The following MGAT5 variants were observed in gnomAD, a reference collection of about 807,000 sequenced individuals.
MGAT5 encodes alpha-1,6-mannosylglycoprotein 6-beta-N-acetylglucosaminyltransferase A.
In MGAT5, 30 loss-of-function variants were observed where a neutral mutation model predicts 94.3. The observed-to-expected ratio is 0.32, with a 90% CI of 0.24 to 0.43. The LOEUF (loss-of-function observed/expected upper bound fraction) is 0.43, where lower values mean the gene tolerates loss of function less well. Among genes scored for constraint, MGAT5 ranks in the 20% least tolerant of loss-of-function variants. MGAT5 has a pLI of 1.00. For missense variants in MGAT5, 691 were observed against 905.5 expected (o/e 0.76, Z 3.04); for synonymous variants, 310 against 322.9 (o/e 0.96, Z 0.43).
intron 1 of MGAT5, among the ~76,000 whole-genome samples, chr2:134,182,676 A>G (rs1438591495): frequency 6.6e-6 from 1 of 151,880 alleles, no homozygotes; most frequent in African/African-American, 2.4e-5. Context: ...CCACCCCATC[A>G]CAAGCGTACT....
At chr2:134,189,198 C>T (rs973082928) in intron 1 of MGAT5, among the ~76,000 whole-genome samples, 14 of 152,172 alleles carry the variant, frequency 9.2e-5, no homozygotes, top group African/African-American at 3.4e-4. Flanking sequence ...CCCCTCCTTT[C>T]CCCTCTCTGG....
chr2:134,164,085 C>A (rs1248145813), intron 1 of MGAT5, among the ~76,000 whole-genome samples: 1 of 152,172 alleles, frequency 6.6e-6, no homozygotes, highest in Non-Finnish European at 1.5e-5. Context: ...ACTCCATGTG[C>A]CTCACTCTGG....
chr2:134,247,966 G>GTCTTAGACA (rs1194906046), intron 1 of MGAT5, among the ~76,000 whole-genome samples: 8 of 152,242 alleles, frequency 5.3e-5, no homozygotes, highest in African/African-American at 1.9e-4. Flanking sequence ...TCCATCCCTT[G>GTCTTAGACA]TCTTAGACAT....
intron 1 of MGAT5, among the ~76,000 whole-genome samples, chr2:134,228,851 G>A (rs1162593788): frequency 2.2e-4 from 34 of 152,156 alleles, no homozygotes; most frequent in Admixed American, 2.2e-3. Context: ...GCCATCTAGT[G>A]AGTTGTAGTT....
At chr2:134,139,138 T>C (rs1411966232) in intron 1 of MGAT5, among the ~76,000 whole-genome samples, 1 of 152,242 alleles carries the variant, frequency 6.6e-6, no homozygotes, top group Admixed American at 6.5e-5. Context: ...TCTTCTTTCA[T>C]GTAAAAACAT....
intron 8 of MGAT5, among the ~76,000 whole-genome samples, chr2:134,348,123 T>A (rs960907728): frequency 6.6e-6 from 1 of 152,154 alleles, no homozygotes; most frequent in East Asian, 1.9e-4. Flanking sequence ...CGGAAAAATA[T>A]AAGTTAAGAA....
At chr2:134,416,501 C>T (rs1191942533) in intron 12 of MGAT5, among the ~76,000 whole-genome samples, 3 of 124,884 alleles carry the variant, frequency 2.4e-5, no homozygotes, top group South Asian at 2.9e-4. Flanking sequence ...CCGGGTCTTG[C>T]TCTGCCACCC....
intron 4 of MGAT5, among the ~76,000 whole-genome samples, chr2:134,330,191 T>C (rs1687878106): frequency 1.3e-5 from 2 of 152,180 alleles, no homozygotes; most frequent in African/African-American, 2.4e-5. Context: ...TCAGATCTTA[T>C]AGGATAATAA....
intron 14 of MGAT5, among the ~76,000 whole-genome samples, chr2:134,433,969 G>T (rs1685027964): frequency 6.6e-6 from 1 of 152,140 alleles, no homozygotes; most frequent in Non-Finnish European, 1.5e-5. Context: ...AACTCTCATG[G>T]GCTTATTAGT....
intron 14 of MGAT5, among the ~76,000 whole-genome samples, chr2:134,429,725 A>G (rs1439720378): frequency 6.6e-6 from 1 of 152,196 alleles, no homozygotes; most frequent in Non-Finnish European, 1.5e-5. Context: ...GTTTCACGAG[A>G]AACCATTTGA....
At chr2:134,369,156 A>G (rs1329862454) in intron 10 of MGAT5, among the ~76,000 whole-genome samples, 1 of 152,146 alleles carries the variant, frequency 6.6e-6, no homozygotes, top group Non-Finnish European at 1.5e-5. Flanking sequence ...GACTGAATGA[A>G]TCTCCCCTAA....
At chr2:134,364,648 A>T (rs1293584384) in intron 10 of MGAT5, among the ~76,000 whole-genome samples, 1 of 152,198 alleles carries the variant, frequency 6.6e-6, no homozygotes, top group Non-Finnish European at 1.5e-5. Context: ...TAAAGATTAT[A>T]AAAGGTTGGG....
At chr2:134,169,347 C>T (rs1688090752) in intron 1 of MGAT5, among the ~76,000 whole-genome samples, 1 of 151,478 alleles carries the variant, frequency 6.6e-6, no homozygotes, top group African/African-American at 2.4e-5. Context: ...TGAGACCAGC[C>T]TGGGCAATAT....
intron 15 of MGAT5, among the ~76,000 whole-genome samples, chr2:134,442,717 C>G (rs574176263): frequency 6.6e-6 from 1 of 152,276 alleles, no homozygotes; most frequent in South Asian, 2.1e-4. Flanking sequence ...CTTCTGGCCT[C>G]TCACCCATGA....
chr2:134,448,433 C>T (rs1685916574), intron 15 of MGAT5, among the ~76,000 whole-genome samples: 1 of 152,238 alleles, frequency 6.6e-6, no homozygotes, highest in African/African-American at 2.4e-5. Context: ...ACACACACCC[C>T]TGCACACACT....
chr2:134,159,912 A>T (rs1299358194), intron 1 of MGAT5, among the ~76,000 whole-genome samples: 1 of 152,182 alleles, frequency 6.6e-6, no homozygotes, highest in East Asian at 1.9e-4. Flanking sequence ...TCTCTTTAAA[A>T]GTTCCTTATG....
rs538916333 is a variant in MGAT5 at position 134,242,190 on chromosome 2, T to C, written c.-142-12072T>C. On this transcript the variant is annotated intron_variant, in intron 1 of 16. Coordinates refer to the MGAT5 transcript ENST00000409645. ...ACTTTGAGCAGTGCAAGGTGTGTGT[T>C]GGGTAGCTGCATAAGGCGCTTTGCT... 5.9e-5 allele frequency among the ~76,000 whole-genome samples: 9 copies of C among 152,298 alleles called. No individual in the cohort carries two copies. The East Asian group carries it at 1.5e-3, about 26-fold the overall frequency.
chr2:134,411,517 C>A (rs1187931900), intron 11 of MGAT5, among the ~76,000 whole-genome samples: 1 of 152,200 alleles, frequency 6.6e-6, no homozygotes, highest in Non-Finnish European at 1.5e-5. Flanking sequence ...CTATTCTGTT[C>A]AAAACAAAAG....
intron 1 of MGAT5, among the ~76,000 whole-genome samples, chr2:134,261,253 G>A (rs1044573365): frequency 3.3e-5 from 5 of 152,184 alleles, no homozygotes; most frequent in African/African-American, 7.2e-5. Context: ...ATGTTCAAAC[G>A]ATGAGGCTTA....
Sources: allele counts gnomAD v4.1 joint callset (sites outside exome capture counted in the v4.1 genomes callset), GRCh38; gene constraint gnomAD v4.1.1; transcripts MANE v1.5; gene names NCBI Gene and HGNC (gene_info 2026-07-23, HGNC 2026-07-21).